PCDHGA4: variants seen among roughly 807,000 people sequenced by gnomAD.
The protein encoded by PCDHGA4 is protocadherin gamma-A4.
Under a neutral mutation model 54.6 loss-of-function variants are expected in PCDHGA4, and 38 were observed. The observed-to-expected ratio is 0.70, with a 90% CI of 0.54 to 0.91. The LOEUF (loss-of-function observed/expected upper bound fraction) is 0.91. Among genes scored for constraint, PCDHGA4 ranks in the 40% least tolerant of loss-of-function variants. The pLI, the probability that PCDHGA4 is intolerant of heterozygous loss-of-function variation, is 0.00. For synonymous variants in PCDHGA4, 511 were observed against 512.9 expected, an observed-to-expected ratio of 1.00 and a Z score of 0.05; for missense variants, 1,298 against 1,220.9, an observed-to-expected ratio of 1.06 and a Z score of -0.94.
At chr5:141,473,270 T>C (rs538574742) in intron 1 of PCDHGA4, among the ~76,000 whole-genome samples, 4 of 152,326 alleles carry the variant, frequency 2.6e-5, no homozygotes, top group African/African-American at 9.6e-5. Context: ...GTGTATGCTA[T>C]GATTATTTTA....
chr5:141,453,287 A>T (rs900058377), intron 1 of PCDHGA4, among the ~76,000 whole-genome samples: 1 of 151,368 alleles, frequency 6.6e-6, no homozygotes, highest in Non-Finnish European at 1.5e-5. Context: ...CTAATTTTTT[A>T]ATTATTTATT....
intron 1 of PCDHGA4, chr5:141,375,116 C>T (rs754682469): frequency 3.7e-6 from 6 of 1,613,886 alleles, no homozygotes; most frequent in Non-Finnish European, 4.2e-6. Flanking sequence ...TGATAATGTA[C>T]CAGAAGTGGT....
intron 1 of PCDHGA4, chr5:141,418,232 G>A (rs1034684988): frequency 6.2e-7 from 1 of 1,614,066 alleles, no homozygotes; most frequent in Non-Finnish European, 8.5e-7. Flanking sequence ...GGTGATTGAG[G>A]ATGTTAATGA....
chr5:141,486,337 C>T lies in PCDHGA4; in HGVS notation c.2515-8470C>T, dbSNP rs116799150. On this transcript the variant is annotated intron_variant, in intron 1 of 3. Coordinates refer to ENST00000571252, the MANE Select transcript of PCDHGA4 (RefSeq NM_018917.4). The surrounding 1 kb of genome is among the most constrained non-coding windows in gnomAD (Gnocchi z 5.0). ...GGTCAAACGGAGATGTGAGCCTCCG[C>T]ATTCCTGACCACTTGCCATTTGCCC... 1 of 1,614,076 alleles carries T rather than the reference C, an allele frequency of 6.2e-7. No homozygotes were observed. Among genetic ancestry groups the T allele is most frequent in the Non-Finnish European group, 8.5e-7 (1 of 1,179,966 alleles).
intron 1 of PCDHGA4, chr5:141,383,224 C>T: frequency 6.2e-7 from 1 of 1,613,968 alleles, no homozygotes; most frequent in South Asian, 1.1e-5. Flanking sequence ...CTTTAACATC[C>T]TGATGGAAGA....
intron 1 of PCDHGA4, chr5:141,413,638 C>T (rs768604791): frequency 4.8e-5 from 78 of 1,613,686 alleles, no homozygotes; most frequent in Middle Eastern, 1.6e-4. Flanking sequence ...TGCGGGAATG[C>T]GTTTTCCTCT....
In PCDHGA4 at chr5:141,477,097, G is replaced by A; in HGVS notation, c.2515-17710G>A. ...AGATTTACATCCAGGCCAAAGACAAGGGCGCCAATCCCGAAGGAGCACATT... is the reference window on the plus strand; with the variant it reads ...AGATTTACATCCAGGCCAAAGACAAAGGCGCCAATCCCGAAGGAGCACATT... On this transcript the variant is annotated intron_variant, in intron 1 of 3. Transcript: ENST00000571252. This position sits in a 1 kb window ranked among gnomAD's most constrained non-coding sequence, Gnocchi z 4.9. 1 of 1,614,242 alleles carries A rather than the reference G, an allele frequency of 6.2e-7. No homozygotes were observed. Among genetic ancestry groups the A allele is most frequent in the South Asian group, 1.1e-5 (1 of 91,088 alleles).
rs1414835001 is a variant in PCDHGA4 at position 141,476,225 on chromosome 5, A to T, written c.2515-18582A>T. 1.2e-6 allele frequency: 2 copies of T among 1,613,882 alleles called. No individual in the cohort carries two copies. Among genetic ancestry groups the T allele is most frequent in the Non-Finnish European group, 1.7e-6 (2 of 1,180,012 alleles). ...GGCTTCCACGGTCATTCACTATGAG[A>T]TCCCGGAGGAAAGAGAGAAGGGTTT... On this transcript the variant is annotated intron_variant, in intron 1 of 3. Transcript: ENST00000571252. This position sits in a 1 kb window ranked among gnomAD's most constrained non-coding sequence, Gnocchi z 7.6.
At chr5:141,396,764 T>C (rs1040059955) in intron 1 of PCDHGA4, 1 of 152,236 alleles carries the variant, frequency 6.6e-6, no homozygotes, top group Non-Finnish European at 1.5e-5. Context: ...CCAATAAATG[T>C]TTGTTATTAA....
At chr5:141,366,853 A>C in intron 1 of PCDHGA4, 1 of 1,431,818 alleles carries the variant, frequency 7.0e-7, no homozygotes, top group Non-Finnish European at 9.4e-7. Flanking sequence ...AAATAGTGGA[A>C]CATTATTTGC....
At chr5:141,376,448 G>T (rs771215693) in intron 1 of PCDHGA4, 1 of 1,614,174 alleles carries the variant, frequency 6.2e-7, no homozygotes, top group Non-Finnish European at 8.5e-7. Flanking sequence ...TGAGAAAAGC[G>T]AGCCTCTTCT....
At position 141,421,233 on chromosome 5, in the gene PCDHGA4, G is replaced by A. The variant is rs201076931; in HGVS notation, c.2514+63612G>A. Reference sequence around the variant, plus strand: ...ATATCGGCTTAGAGCCTGCCATGGCGAATCGGCTACAGCGCGGGGACCGCA... The same window carrying A: ...ATATCGGCTTAGAGCCTGCCATGGCAAATCGGCTACAGCGCGGGGACCGCA... On this transcript the variant is annotated intron_variant, in intron 1 of 3. Coordinates refer to ENST00000571252, the MANE Select transcript of PCDHGA4 (RefSeq NM_018917.4). 1.4e-3 allele frequency: 2,185 copies of A among 1,592,236 alleles called. 58 individuals are homozygous for A. In the South Asian group the frequency reaches 0.024, roughly 17 times the overall value.
rs377061064 is a variant in PCDHGA4, at chr5:141,505,429, C to A, written c.2610C>A (p.Asn870Lys). 1.2e-6 allele frequency: 2 copies of A among 1,614,116 alleles called. No homozygotes were observed. Among genetic ancestry groups the A allele is most frequent in the African/African-American group, 1.3e-5 (1 of 74,938 alleles). Residue 870 changes from asparagine (N) to lysine (K), a missense_variant, in exon 3 of 4, where the codon AAC becomes AAA. Asn to Lys is a moderately conservative substitution (Grantham distance 94, BLOSUM62 0). Coordinates refer to ENST00000571252, the MANE Select transcript of PCDHGA4 (RefSeq NM_018917.4). ...QNGDDTGTWP[N>K]NQFDTEMLQA... ...GCGATGACACCGGCACCTGGCCCAA[C>A]AACCAGTTTGACACAGAGATGCTGC...
intron 1 of PCDHGA4, among the ~76,000 whole-genome samples, chr5:141,460,961 A>ATGTG (rs35821115): frequency 4.1e-5 from 6 of 144,616 alleles, no homozygotes; most frequent in South Asian, 2.2e-4. Context: ...GTATATATAT[A>ATGTG]TGTGTGTGTG....
At chr5:141,373,265 A>G (rs1038274272) in intron 1 of PCDHGA4, among the ~76,000 whole-genome samples, 1 of 152,258 alleles carries the variant, frequency 6.6e-6, no homozygotes, top group Non-Finnish European at 1.5e-5. Context: ...TTAAAAGTAT[A>G]CACAGATGTT....
intron 1 of PCDHGA4, chr5:141,360,135 G>A (rs1200093111): frequency 1.3e-6 from 2 of 1,592,246 alleles, no homozygotes; most frequent in Admixed American, 3.5e-5. Context: ...GGAGCCAGAA[G>A]ATGAAAGCGA....
At position 141,413,304 on chromosome 5, in the gene PCDHGA4, A is replaced by T; in HGVS notation, c.2514+55683A>T. The T allele has an allele frequency of 1.9e-6, 3 of 1,613,982 alleles. No individual in the cohort carries two copies. The Admixed American group carries it at 5.0e-5, about 27-fold the overall frequency. On this transcript the variant is annotated intron_variant, in intron 1 of 3. Transcript: ENST00000571252. Reference sequence around the variant, plus strand: ...TCTCCTACTCAATTCCTGAGGAATTAGAGAAAGGCTCTTTCGTGGGCAACA... The same window carrying T: ...TCTCCTACTCAATTCCTGAGGAATTTGAGAAAGGCTCTTTCGTGGGCAACA...
chr5:141,424,519 A>T (rs1216899186), intron 1 of PCDHGA4: 1 of 152,222 alleles, frequency 6.6e-6, no homozygotes, highest in African/African-American at 2.4e-5. Context: ...TTAATGTAGT[A>T]AATCCATATA....
intron 1 of PCDHGA4, chr5:141,414,449 C>T (rs1223779483): frequency 6.2e-7 from 1 of 1,613,730 alleles, no homozygotes; most frequent in Non-Finnish European, 8.5e-7. Context: ...TACAATATCA[C>T]AGTGACAGCC....
Sources: gnomAD v4.1 joint callset for allele counts (sites outside exome capture counted in the v4.1 genomes callset) on GRCh38, gnomAD v4.1.1 for gene constraint, Gnocchi (gnomAD v3.1) non-coding constraint, MANE v1.5 for transcripts, NCBI Gene and HGNC (gene_info 2026-07-23, HGNC 2026-07-21) for gene names.